The following TMEM117 variants were observed in gnomAD, a reference collection of about 807,000 sequenced individuals.
TMEM117 encodes transmembrane protein 117.
A neutral mutation model predicts 52.4 loss-of-function variants in TMEM117; 27 were observed. The observed-to-expected ratio is 0.51, with a 90% CI of 0.38 to 0.71. The LOEUF (loss-of-function observed/expected upper bound fraction) is 0.71. TMEM117 is among the 30% of genes least tolerant of loss of function. The pLI is 0.00. For missense variants in TMEM117, 556 were observed against 630.5 expected, an observed-to-expected ratio of 0.88 and a Z score of 1.26; for synonymous variants, 215 against 206.3, an observed-to-expected ratio of 1.04 and a Z score of -0.36.
intron 6 of TMEM117, among the ~76,000 whole-genome samples, chr12:44,301,446 G>A (rs887308104): frequency 6.6e-6 from 1 of 152,112 alleles, no homozygotes; most frequent in African/African-American, 2.4e-5. Flanking sequence ...TGTTCAGAGA[G>A]TAGTCAGAGC....
At chr12:44,227,959 A>G (rs1428312586) in intron 5 of TMEM117, among the ~76,000 whole-genome samples, 1 of 152,054 alleles carries the variant, frequency 6.6e-6, no homozygotes, top group Non-Finnish European at 1.5e-5. Flanking sequence ...ATAGCTGAAG[A>G]ACGTGAGATC....
intron 3 of TMEM117, among the ~76,000 whole-genome samples, chr12:44,046,801 A>G (rs1422698370): frequency 6.6e-6 from 1 of 152,174 alleles, no homozygotes; most frequent in East Asian, 1.9e-4. Flanking sequence ...TTATCATATG[A>G]CATAAGATTT....
At chr12:44,041,405 A>G (rs1280015900) in intron 3 of TMEM117, among the ~76,000 whole-genome samples, 1 of 151,884 alleles carries the variant, frequency 6.6e-6, no homozygotes, top group Non-Finnish European at 1.5e-5. Flanking sequence ...TGTATCATGC[A>G]TGCAATGTTC....
At chr12:44,263,673 C>G (rs1452673085) in intron 5 of TMEM117, 1 of 152,138 alleles carries the variant, frequency 6.6e-6, no homozygotes, top group Non-Finnish European at 1.5e-5. Context: ...TTATTTTCAT[C>G]ACCTTTAAAG....
the TMEM117 span, chr12:43,796,925 A>G: frequency 6.4e-7 from 1 of 1,567,012 alleles, no homozygotes; most frequent in Non-Finnish European, 8.7e-7. Flanking sequence ...CTACATAGAA[A>G]TGAAAAGAAA....
the TMEM117 span, among the ~76,000 whole-genome samples, chr12:44,397,928 C>T: frequency 6.2e-4 from 95 of 152,122 alleles, no homozygotes; most frequent in Non-Finnish European, 1.2e-3. Context: ...AAGTGTCTTA[C>T]GGCCCCTCTT....
At chr12:44,210,158 C>G (rs1046819838) in intron 4 of TMEM117, among the ~76,000 whole-genome samples, 2 of 152,012 alleles carry the variant, frequency 1.3e-5, no homozygotes, top group African/African-American at 2.4e-5. Context: ...TTGAATCTGT[C>G]TTGTCTGGAT....
chr12:44,051,192 C>G (rs1946965355), intron 3 of TMEM117, among the ~76,000 whole-genome samples: 1 of 152,114 alleles, frequency 6.6e-6, no homozygotes, highest in Non-Finnish European at 1.5e-5. Flanking sequence ...CCTTGAAGTC[C>G]TGAGAGGACC....
At chr12:44,375,502 C>T (rs1951929100) in intron 6 of TMEM117, among the ~76,000 whole-genome samples, 1 of 152,106 alleles carries the variant, frequency 6.6e-6, no homozygotes, top group Non-Finnish European at 1.5e-5. Context: ...AACCAGAGCT[C>T]CCAACAGAGA....
intron 6 of TMEM117, among the ~76,000 whole-genome samples, chr12:44,371,948 G>T (rs1036379065): frequency 1.3e-5 from 2 of 152,050 alleles, no homozygotes; most frequent in African/African-American, 2.4e-5. Flanking sequence ...TTTTATATGG[G>T]AAATACACCC....
chr12:43,944,560 C>A (rs1420824645), intron 3 of TMEM117, among the ~76,000 whole-genome samples: 1 of 151,600 alleles, frequency 6.6e-6, no homozygotes, highest in African/African-American at 2.4e-5. Flanking sequence ...GTTCTTTATC[C>A]TTTAGGACTT....
intron 3 of TMEM117, among the ~76,000 whole-genome samples, chr12:43,964,346 C>A (rs564026212): frequency 1.3e-5 from 2 of 152,242 alleles, no homozygotes; most frequent in East Asian, 3.9e-4. Flanking sequence ...TCAGGAACAA[C>A]TCTACAGACT....
chr12:44,362,550 G>A (rs1951734752), intron 6 of TMEM117, among the ~76,000 whole-genome samples: 2 of 151,816 alleles, frequency 1.3e-5, no homozygotes, highest in African/African-American at 2.4e-5. Flanking sequence ...CAAATAAAAG[G>A]TGATGGCACA....
the TMEM117 span, among the ~76,000 whole-genome samples, chr12:43,814,486 T>C: frequency 6.6e-6 from 1 of 152,176 alleles, no homozygotes; most frequent in Non-Finnish European, 1.5e-5. Context: ...TGTTCTGGGC[T>C]GCATCTTTCC....
At chr12:44,225,191 C>T (rs1024479465) in intron 5 of TMEM117, among the ~76,000 whole-genome samples, 1 of 152,132 alleles carries the variant, frequency 6.6e-6, no homozygotes, top group Non-Finnish European at 1.5e-5. Flanking sequence ...TGAGAAAGAA[C>T]ATACAACTTT....
intron 2 of TMEM117, among the ~76,000 whole-genome samples, chr12:43,866,018 T>G (rs1943590861): frequency 6.6e-6 from 1 of 151,814 alleles, no homozygotes; most frequent in Non-Finnish European, 1.5e-5. Context: ...AAACAGCACT[T>G]AGATGATCCA....
At chr12:44,225,790 G>A (rs1949852869) in intron 5 of TMEM117, among the ~76,000 whole-genome samples, 1 of 152,092 alleles carries the variant, frequency 6.6e-6, no homozygotes, top group Non-Finnish European at 1.5e-5. Context: ...TCTGCACTAT[G>A]GAAGTATTAT....
intron 3 of TMEM117, among the ~76,000 whole-genome samples, chr12:43,949,760 C>T (rs1945190573): frequency 6.6e-6 from 1 of 152,194 alleles, no homozygotes; most frequent in Non-Finnish European, 1.5e-5. Context: ...TAGCTACCTA[C>T]TCCAACAAAA....
chr12:44,016,381 A>G (rs919457938), intron 3 of TMEM117, among the ~76,000 whole-genome samples: 1 of 152,198 alleles, frequency 6.6e-6, no homozygotes, highest in Non-Finnish European at 1.5e-5. Context: ...TTCACCTCCC[A>G]GGTGGAAACG....
Sources: allele counts gnomAD v4.1 joint callset (sites outside exome capture counted in the v4.1 genomes callset), GRCh38; gene constraint gnomAD v4.1.1; transcripts MANE v1.5; gene names NCBI Gene and HGNC (gene_info 2026-07-23, HGNC 2026-07-21).